The following KCNQ3 variants were observed in gnomAD, a reference collection of about 807,000 sequenced individuals.
The protein encoded by KCNQ3 is potassium voltage-gated channel subfamily Q member 3, also known as potassium voltage-gated channel subfamily KQT member 3.
Under a neutral mutation model 92.5 loss-of-function variants are expected in KCNQ3, and 30 were observed. The observed-to-expected ratio is 0.32, with a 90% CI of 0.24 to 0.44. KCNQ3 has a LOEUF of 0.44. KCNQ3 is among the 20% of genes least tolerant of loss of function. The pLI, the probability that KCNQ3 is intolerant of heterozygous loss-of-function variation, is 1.00. For synonymous variants in KCNQ3, 450 were observed against 468.8 expected, an observed-to-expected ratio of 0.96 and a Z score of 0.52; for missense variants, 913 against 1,140.3, an observed-to-expected ratio of 0.80 and a Z score of 2.87.
intron 1 of KCNQ3, among the ~76,000 whole-genome samples, chr8:132,435,390 GA>G (rs926331432): frequency 6.6e-6 from 1 of 152,176 alleles, no homozygotes; most frequent in Non-Finnish European, 1.5e-5. Context: ...CAGAGGCGGG[GA>G]GGGATCTCCT....
At chr8:132,340,869 T>C (rs776690783) in intron 1 of KCNQ3, among the ~76,000 whole-genome samples, 4 of 152,198 alleles carry the variant, frequency 2.6e-5, no homozygotes, top group Admixed American at 6.5e-5. Context: ...TGCACCTATA[T>C]TGAGCACGTA....
chr8:132,251,310 T>C (rs1218546975), intron 1 of KCNQ3, among the ~76,000 whole-genome samples: 1 of 152,144 alleles, frequency 6.6e-6, no homozygotes, highest in African/African-American at 2.4e-5. Context: ...AAAAGCTGCC[T>C]TCATTGAACT....
intron 12 of KCNQ3, among the ~76,000 whole-genome samples, chr8:132,137,010 G>A (rs1409357625): frequency 2.7e-5 from 4 of 149,134 alleles, no homozygotes; most frequent in East Asian, 2.0e-4. Context: ...GATTACAGGC[G>A]TGCACCACCA....
At chr8:132,411,516 AAC>A (rs889770838) in intron 1 of KCNQ3, among the ~76,000 whole-genome samples, 4 of 152,134 alleles carry the variant, frequency 2.6e-5, no homozygotes, top group Non-Finnish European at 5.9e-5. Context: ...CAGGGGTAGA[AAC>A]ACAGAAGCAG....
intron 1 of KCNQ3, among the ~76,000 whole-genome samples, chr8:132,366,248 T>C (rs1819318986): frequency 6.6e-6 from 1 of 152,188 alleles, no homozygotes; most frequent in Admixed American, 6.5e-5. Flanking sequence ...TATTACTTGG[T>C]AAACAGTTTT....
chr8:132,372,472 G>A (rs189572467), intron 1 of KCNQ3, among the ~76,000 whole-genome samples: 1 of 152,230 alleles, frequency 6.6e-6, no homozygotes, highest in African/African-American at 2.4e-5. Flanking sequence ...AAAGTGCTTA[G>A]AGGCCGGGCG....
At chr8:132,359,804 G>A (rs1375412467) in intron 1 of KCNQ3, among the ~76,000 whole-genome samples, 2 of 152,158 alleles carry the variant, frequency 1.3e-5, no homozygotes, top group Non-Finnish European at 2.9e-5. Flanking sequence ...CACTTGCCTG[G>A]CAGGTGAATA....
chr8:132,213,759 A>G (rs571544490), intron 1 of KCNQ3, among the ~76,000 whole-genome samples: 1 of 152,310 alleles, frequency 6.6e-6, no homozygotes, highest in African/African-American at 2.4e-5. Context: ...CAGTCACAGT[A>G]ACAAAGACCC....
intron 13 of KCNQ3, among the ~76,000 whole-genome samples, chr8:132,133,859 T>G (rs1234948321): frequency 6.6e-6 from 1 of 152,220 alleles, no homozygotes; most frequent in East Asian, 1.9e-4. Context: ...TGTGTTACAA[T>G]GTTGTCAGGG....
chr8:132,189,581 C>G (rs1402120054), intron 1 of KCNQ3, among the ~76,000 whole-genome samples: 1 of 152,084 alleles, frequency 6.6e-6, no homozygotes, highest in Admixed American at 6.5e-5. Context: ...AATCCCAGCA[C>G]TTTGGGAGGC....
intron 1 of KCNQ3, among the ~76,000 whole-genome samples, chr8:132,352,798 G>C (rs1818911570): frequency 6.6e-6 from 1 of 152,122 alleles, no homozygotes; most frequent in South Asian, 2.1e-4. Context: ...AGTTGATGGT[G>C]GTTCCTATAG....
chr8:132,406,772 A>G (rs1020824701), intron 1 of KCNQ3, among the ~76,000 whole-genome samples: 3 of 152,196 alleles, frequency 2.0e-5, no homozygotes, highest in African/African-American at 7.2e-5. Context: ...TAAATATACA[A>G]TTCAATTGAC....
At chr8:132,132,303 T>C in intron 13 of KCNQ3, 39 bp from the exon 14 acceptor site, 1 of 1,511,984 alleles carries the variant, frequency 6.6e-7, no homozygotes, top group East Asian at 2.3e-5. Flanking sequence ...TCATTATATC[T>C]ATTTTTGCTA....
intron 1 of KCNQ3, among the ~76,000 whole-genome samples, chr8:132,443,418 T>C (rs752616832): frequency 1.3e-5 from 2 of 152,146 alleles, no homozygotes; most frequent in Admixed American, 6.5e-5. Context: ...AATAATTTAA[T>C]TGAAAACCAG....
At chr8:132,335,524 G>A (rs1461402797) in intron 1 of KCNQ3, among the ~76,000 whole-genome samples, 1 of 152,136 alleles carries the variant, frequency 6.6e-6, no homozygotes, top group Non-Finnish European at 1.5e-5. Flanking sequence ...TCACCCTGGG[G>A]GTTCTTGGTC....
chr8:132,299,292 A>G (rs73360816), intron 1 of KCNQ3, among the ~76,000 whole-genome samples: 3,913 of 152,178 alleles, frequency 0.026, 185 homozygotes, highest in African/African-American at 0.089. Flanking sequence ...CAGATACAAG[A>G]AAATATGCAC....
intron 1 of KCNQ3, among the ~76,000 whole-genome samples, chr8:132,384,745 T>C (rs983300416): frequency 6.6e-6 from 1 of 152,344 alleles, no homozygotes; most frequent in Admixed American, 6.5e-5. Context: ...AAGCAGTATA[T>C]TAAAGTCACA....
chr8:132,163,349 C>T, intron 9 of KCNQ3, 119 bp downstream of exon 9: 1 of 854,152 alleles, frequency 1.2e-6, no homozygotes, highest in South Asian at 1.3e-5. Context: ...AACAGTGTGA[C>T]CCCAAAGACT....
rs1824560015 is a variant in KCNQ3, at chr8:132,123,490, A to G, written c.*5772T>C. ...TTCCAGAGAAGGGAAGAAGTCCCCAAAGGTATGTCCGGTTTAACAGTTTCT... is the reference window on the plus strand; with the variant it reads ...TTCCAGAGAAGGGAAGAAGTCCCCAGAGGTATGTCCGGTTTAACAGTTTCT... On this transcript the variant is annotated 3_prime_UTR_variant, in exon 15 of 15. Transcript: ENST00000388996. 1 of 152,222 alleles carries G rather than the reference A, an allele frequency of 6.6e-6. No homozygotes were observed. The highest frequency in any genetic ancestry group is 2.4e-5 in the African/African-American group (1 of 41,464). The allele number at this position is 152,222 out of a possible 1,614,324, so 9.4% of individuals were successfully genotyped here.
Sources: gnomAD v4.1 joint callset for allele counts (sites outside exome capture counted in the v4.1 genomes callset) on GRCh38, gnomAD v4.1.1 for gene constraint, MANE v1.5 for transcripts, NCBI Gene and HGNC (gene_info 2026-07-23, HGNC 2026-07-21) for gene names.